RAB27B: variants seen among roughly 807,000 people sequenced by gnomAD.
RAB27B encodes ras-related protein Rab-27B.
In RAB27B, 15 loss-of-function variants were observed where a neutral mutation model predicts 24.6. The observed-to-expected ratio is 0.61, with a 90% CI of 0.41 to 0.94. RAB27B has a LOEUF of 0.94. Ranked by LOEUF, RAB27B falls within the 40% of genes least tolerant of loss-of-function variation. The pLI is 0.00. For missense variants in RAB27B, 261 were observed against 266.8 expected (o/e 0.98, Z 0.15); for synonymous variants, 105 against 92.5 (o/e 1.14, Z -0.78).
At position 54,796,663 on chromosome 18, in the gene RAB27B, C is replaced by A. The variant is rs535350850; in HGVS notation, c.-20+78522C>A. 2.0e-5 allele frequency among the ~76,000 whole-genome samples: 3 copies of A among 152,320 alleles called. No homozygotes were observed. The East Asian group carries it at 5.8e-4, about 29-fold the overall frequency. On this transcript the variant is annotated intron_variant, in intron 2 of 4. Coordinates refer to the RAB27B transcript ENST00000586570. ...CTACTCCTCTGCTCCTCTCGACTTT[C>A]ACCCACTGTGTGTGTGCCCGCTAAG... is the stretch of plus-strand genomic sequence containing the variant.
chr18:54,720,910 T>A (rs1305196450), intron 2 of RAB27B, among the ~76,000 whole-genome samples: 1 of 152,100 alleles, frequency 6.6e-6, no homozygotes, highest in Non-Finnish European at 1.5e-5. Flanking sequence ...AACTTGAGAT[T>A]TTCCCATTAT....
intron 1 of RAB27B, 72 bp from the exon 2 acceptor site, chr18:54,877,495 G>A: frequency 3.4e-6 from 4 of 1,171,910 alleles, no homozygotes; most frequent in Non-Finnish European, 4.5e-6. Flanking sequence ...TTAAATTTAT[G>A]TCATATTTTG....
intron 1 of RAB27B, among the ~76,000 whole-genome samples, chr18:54,849,907 T>C (rs1911490656): frequency 6.6e-6 from 1 of 152,146 alleles, no homozygotes. Flanking sequence ...ATTCAGCTGT[T>C]CTCTGGTAAA....
chr18:54,804,699 C>T (rs1202715330), intron 2 of RAB27B, among the ~76,000 whole-genome samples: 1 of 152,098 alleles, frequency 6.6e-6, no homozygotes, highest in African/African-American at 2.4e-5. Context: ...TGATCCAGAA[C>T]TGGAGTTGAA....
At chr18:54,737,272 C>G (rs914762463) in intron 2 of RAB27B, among the ~76,000 whole-genome samples, 3 of 152,068 alleles carry the variant, frequency 2.0e-5, no homozygotes, top group Non-Finnish European at 4.4e-5. Flanking sequence ...CTTGGATGGG[C>G]TTATTGACTT....
intron 1 of RAB27B, among the ~76,000 whole-genome samples, chr18:54,876,997 T>C (rs1189619918): frequency 1.3e-5 from 2 of 149,130 alleles, no homozygotes; most frequent in African/African-American, 2.4e-5. Context: ...AATGTCATCT[T>C]GAATTGTGGT....
chr18:54,818,635 C>T (rs1035923387), intron 2 of RAB27B, among the ~76,000 whole-genome samples: 8 of 152,136 alleles, frequency 5.3e-5, no homozygotes, highest in African/African-American at 1.9e-4. Flanking sequence ...CTACACACCA[C>T]CATTCCTGCC....
At chr18:54,790,422 T>G (rs1909213259) in intron 2 of RAB27B, among the ~76,000 whole-genome samples, 1 of 152,160 alleles carries the variant, frequency 6.6e-6, no homozygotes, top group Non-Finnish European at 1.5e-5. Flanking sequence ...TGACCATACC[T>G]AGATGCATTT....
At chr18:54,782,819 A>G (rs999466623) in intron 2 of RAB27B, among the ~76,000 whole-genome samples, 1 of 152,226 alleles carries the variant, frequency 6.6e-6, no homozygotes, top group African/African-American at 2.4e-5. Context: ...TATACCATGC[A>G]GTATTCAACT....
chr18:54,817,905 C>T (rs762580815), intron 2 of RAB27B, among the ~76,000 whole-genome samples: 15 of 151,964 alleles, frequency 9.9e-5, no homozygotes, highest in Non-Finnish European at 1.6e-4. Flanking sequence ...TCTTTGAATT[C>T]ACTCTTCCAT....
rs775395795 is a variant in RAB27B at position 54,877,561 on chromosome 18, A to C, written c.-19-6A>C. 2.0e-6 allele frequency: 3 copies of C among 1,485,822 alleles called. No individual in the cohort carries two copies. The highest frequency in any genetic ancestry group is 2.7e-6 in the Non-Finnish European group (3 of 1,124,388). The allele number at this position is 1,485,822 out of a possible 1,614,324, so 92.0% of individuals were successfully genotyped here. A position where few individuals can be genotyped will look rare whatever the true frequency, so the allele number is the denominator to read the frequency against. ...AAAACATACTTGTTTTCCCTCTCCT[A>C]TACAGACCGACCAAGACCATCACTA... is the stretch of plus-strand genomic sequence containing the variant. On this transcript the variant is annotated splice_region_variant and splice_polypyrimidine_tract_variant and intron_variant, in intron 1 of 5. Transcript: ENST00000262094.
intron 1 of RAB27B, among the ~76,000 whole-genome samples, chr18:54,864,497 T>TA (rs1912133460): frequency 1.2e-5 from 1 of 86,472 alleles, no homozygotes; most frequent in East Asian, 3.0e-4. Context: ...AAAGTTTTTA[T>TA]TTTTTTTTCT....
intron 2 of RAB27B, among the ~76,000 whole-genome samples, chr18:54,728,945 C>CTACAAATT (rs1333134716): frequency 8.1e-6 from 1 of 124,150 alleles, no homozygotes; most frequent in Non-Finnish European, 1.7e-5. Context: ...GGAAACCTGC[C>CTACAAATT]TACAAATTCA....
chr18:54,721,916 C>G (rs1034659729), intron 2 of RAB27B, among the ~76,000 whole-genome samples: 1 of 152,142 alleles, frequency 6.6e-6, no homozygotes, highest in African/African-American at 2.4e-5. Flanking sequence ...GCTACAACAG[C>G]AAGTGTGTGG....
chr18:54,853,497 T>C (rs1327613095), intron 1 of RAB27B, among the ~76,000 whole-genome samples: 3 of 152,194 alleles, frequency 2.0e-5, no homozygotes, highest in Admixed American at 6.5e-5. Context: ...GACTTGGGTC[T>C]TGGCCCAGAA....
intron 2 of RAB27B, among the ~76,000 whole-genome samples, chr18:54,820,428 GTGTT>G (rs1910269212): frequency 6.6e-6 from 1 of 152,166 alleles, no homozygotes; most frequent in Non-Finnish European, 1.5e-5. Flanking sequence ...CTTTTGAGAA[GTGTT>G]TGTTCATATC....
intron 2 of RAB27B, among the ~76,000 whole-genome samples, chr18:54,770,332 G>C (rs1598891587): frequency 1.3e-5 from 2 of 152,078 alleles, no homozygotes; most frequent in South Asian, 2.1e-4. Context: ...TCCACCTCCT[G>C]TCTGATTGGC....
chr18:54,787,143 TCTTGG>T (rs1237401983), intron 2 of RAB27B, among the ~76,000 whole-genome samples: 1 of 152,190 alleles, frequency 6.6e-6, no homozygotes, highest in African/African-American at 2.4e-5. Flanking sequence ...AGTCCCCATA[TCTTGG>T]CTCAGTTCTC....
chr18:54,815,757 G>A (rs1910101540), intron 2 of RAB27B, among the ~76,000 whole-genome samples: 1 of 152,038 alleles, frequency 6.6e-6, no homozygotes, highest in South Asian at 2.1e-4. Context: ...AATTCTTAAA[G>A]TTATAGCTCA....
Sources: gnomAD v4.1 joint callset for allele counts (sites outside exome capture counted in the v4.1 genomes callset) on GRCh38, gnomAD v4.1.1 for gene constraint, MANE v1.5 for transcripts, NCBI Gene and HGNC (gene_info 2026-07-23, HGNC 2026-07-21) for gene names.